The following PARVA variants were observed in gnomAD, a reference collection of about 807,000 sequenced individuals.
PARVA encodes the protein alpha-parvin.
A neutral mutation model predicts 52.6 loss-of-function variants in PARVA; 25 were observed. The observed-to-expected ratio is 0.48, with a 90% CI of 0.35 to 0.66. The LOEUF (loss-of-function observed/expected upper bound fraction) is 0.66, where lower values mean the gene tolerates loss of function less well. Ranked by LOEUF, PARVA falls within the 30% of genes least tolerant of loss-of-function variation. The pLI is 0.01. For synonymous variants in PARVA, 185 were observed against 179.1 expected, an observed-to-expected ratio of 1.03 and a Z score of -0.26; for missense variants, 373 against 450.9, an observed-to-expected ratio of 0.83 and a Z score of 1.56.
intron 12 of PARVA, among the ~76,000 whole-genome samples, chr11:12,519,540 TGAG>T (rs1941611488): frequency 6.6e-6 from 1 of 152,152 alleles, no homozygotes; most frequent in African/African-American, 2.4e-5. Context: ...CTGTGAGGAC[TGAG>T]GAGGTGATAC....
intron 11 of PARVA, among the ~76,000 whole-genome samples, chr11:12,518,086 G>A (rs1000037270): frequency 6.6e-5 from 10 of 151,478 alleles, no homozygotes; most frequent in African/African-American, 2.2e-4. Flanking sequence ...CATCCTGCTC[G>A]CTACACAAAG....
chr11:12,508,519 T>G (rs1941463965), intron 6 of PARVA, 65 bp from the exon 7 acceptor site: 1 of 1,088,856 alleles, frequency 9.2e-7, no homozygotes, highest in Admixed American at 1.7e-5. Flanking sequence ...CATCAGTGTT[T>G]CTGTATTTTT....
At chr11:12,514,973 C>T (rs1037102419) in intron 10 of PARVA, among the ~76,000 whole-genome samples, 1 of 152,190 alleles carries the variant, frequency 6.6e-6, no homozygotes, top group Non-Finnish European at 1.5e-5. Context: ...AGTGTTCAGG[C>T]CAGTTGGTTT....
intron 4 of PARVA, among the ~76,000 whole-genome samples, chr11:12,488,705 T>C (rs1941193686): frequency 6.6e-6 from 1 of 152,214 alleles, no homozygotes; most frequent in Non-Finnish European, 1.5e-5. Flanking sequence ...CTGCTTCAGA[T>C]AACTCCTCAT....
chr11:12,525,003 C>T (rs1244307932), intron 12 of PARVA, among the ~76,000 whole-genome samples: 2 of 152,166 alleles, frequency 1.3e-5, no homozygotes, highest in Non-Finnish European at 2.9e-5. Flanking sequence ...TGCAGGAGGA[C>T]CTAGAGCCAG....
At chr11:12,502,609 G>A (rs1329359158) in intron 5 of PARVA, among the ~76,000 whole-genome samples, 1 of 151,960 alleles carries the variant, frequency 6.6e-6, no homozygotes, top group African/African-American at 2.4e-5. Flanking sequence ...GCCATTCCTG[G>A]CCACCTGTTG....
intron 1 of PARVA, among the ~76,000 whole-genome samples, chr11:12,460,595 G>A (rs72862255): frequency 0.028 from 4,242 of 152,158 alleles, 87 homozygotes; most frequent in Non-Finnish European, 0.048. Context: ...CCAGCAAATC[G>A]ATCCAACCAG....
chr11:12,461,001 T>C (rs1485029211), intron 1 of PARVA, among the ~76,000 whole-genome samples: 2 of 152,168 alleles, frequency 1.3e-5, no homozygotes, highest in Admixed American at 6.5e-5. Flanking sequence ...TCATATTGCA[T>C]TGCAGTTTGC....
intron 1 of PARVA, among the ~76,000 whole-genome samples, chr11:12,461,224 T>C (rs1940775462): frequency 6.6e-6 from 1 of 152,174 alleles, no homozygotes; most frequent in African/African-American, 2.4e-5. Flanking sequence ...CTTATGAATC[T>C]GTGAGATAAG....
chr11:12,469,666 C>G (rs1166502894), intron 1 of PARVA, among the ~76,000 whole-genome samples: 3 of 152,190 alleles, frequency 2.0e-5, no homozygotes, highest in African/African-American at 7.2e-5. Flanking sequence ...TTCACTTTTA[C>G]AAACAGTTGG....
intron 1 of PARVA, among the ~76,000 whole-genome samples, chr11:12,434,949 C>T (rs942235616): frequency 6.6e-5 from 10 of 152,194 alleles, no homozygotes; most frequent in Admixed American, 2.0e-4. Context: ...CAGTCCGCCA[C>T]CCCACACACC....
intron 1 of PARVA, among the ~76,000 whole-genome samples, chr11:12,456,142 G>C (rs1391938860): frequency 6.6e-6 from 1 of 152,144 alleles, no homozygotes; most frequent in Non-Finnish European, 1.5e-5. Context: ...TCATCACTGG[G>C]CAGTCCTTCC....
At chr11:12,391,613 C>T (rs1017916705) in intron 1 of PARVA, among the ~76,000 whole-genome samples, 4 of 152,184 alleles carry the variant, frequency 2.6e-5, no homozygotes, top group Non-Finnish European at 5.9e-5. Flanking sequence ...TCATCTCCTA[C>T]CTGCATATGC....
intron 1 of PARVA, among the ~76,000 whole-genome samples, chr11:12,383,177 C>G (rs1345059936): frequency 6.6e-6 from 1 of 152,146 alleles, no homozygotes; most frequent in African/African-American, 2.4e-5. Flanking sequence ...CTCTGTTGAT[C>G]TTTTTCTTCT....
At chr11:12,392,792 T>C (rs183809059) in intron 1 of PARVA, among the ~76,000 whole-genome samples, 332 of 152,226 alleles carry the variant, frequency 2.2e-3, no homozygotes, top group African/African-American at 7.8e-3. Flanking sequence ...GCACATCTCC[T>C]CAGTCCTGAG....
At chr11:12,430,915 C>T (rs896232050) in intron 1 of PARVA, among the ~76,000 whole-genome samples, 1 of 152,176 alleles carries the variant, frequency 6.6e-6, no homozygotes, top group Non-Finnish European at 1.5e-5. Flanking sequence ...GATTCCTAAT[C>T]GCAAAAGCAC....
chr11:12,390,051 C>G (rs531831845), intron 1 of PARVA, among the ~76,000 whole-genome samples: 1 of 152,170 alleles, frequency 6.6e-6, no homozygotes, highest in Non-Finnish European at 1.5e-5. Flanking sequence ...TGCAGCCCAT[C>G]TCTTGGGGAT....
intron 4 of PARVA, among the ~76,000 whole-genome samples, chr11:12,492,994 A>ATTTTTTCCAC (rs1941251225): frequency 6.6e-6 from 1 of 152,156 alleles, no homozygotes; most frequent in South Asian, 2.1e-4. Flanking sequence ...AAGACTTATG[A>ATTTTTTCCAC]TATATATATG....
chr11:12,464,290 G>T (rs1940825697), intron 1 of PARVA, among the ~76,000 whole-genome samples: 2 of 152,122 alleles, frequency 1.3e-5, no homozygotes, highest in African/African-American at 2.4e-5. Context: ...AGTTTTTACT[G>T]ATGTCTCTAA....
Sources: gnomAD v4.1 joint callset for allele counts (sites outside exome capture counted in the v4.1 genomes callset) on GRCh38, gnomAD v4.1.1 for gene constraint, MANE v1.5 for transcripts, NCBI Gene and HGNC (gene_info 2026-07-23, HGNC 2026-07-21) for gene names.